RRP1: variants seen among roughly 807,000 people sequenced by gnomAD.
The protein encoded by RRP1 is ribosomal RNA processing protein 1 homolog A.
In RRP1, 37 loss-of-function variants were observed where a neutral mutation model predicts 54.6. That is an observed-to-expected ratio of 0.68 (90% CI 0.52 to 0.89). RRP1 has a LOEUF of 0.89. RRP1 is among the 40% of genes least tolerant of loss of function. The pLI is 0.00. For missense variants in RRP1, 639 were observed against 612.5 expected (o/e 1.04, Z -0.46); for synonymous variants, 262 against 244.3 (o/e 1.07, Z -0.67).
At chr21:43,791,595 T>C (rs3788072) in intron 2 of RRP1, among the ~76,000 whole-genome samples, 163 bp downstream of exon 2, 52,381 of 151,836 alleles carry the variant, frequency 0.34, 10,828 homozygotes, top group African/African-American at 0.58. Context: ...CTCAGCCTTC[T>C]GGTTTCAAGC....
chr21:43,789,658 A>T lies in RRP1; in HGVS notation c.29A>T (p.Glu10Val). 6.3e-7 allele frequency: 1 copy of T among 1,581,510 alleles called. No homozygotes were observed. The highest frequency in any genetic ancestry group is 1.1e-5 in the South Asian group (1 of 86,972). Residue 10 changes from glutamate (E) to valine (V), a missense_variant, in exon 1 of 13, where the codon GAG (glutamate) becomes GTG (valine). Coordinates refer to ENST00000497547, the MANE Select transcript of RRP1 (RefSeq NM_003683.6). MVSRVQLPP[E>V]IQLAQRLAGN... ...GTTTCGCGCGTGCAGCTCCCGCCTG[A>T]GATCCAGCTGGCTCAGCGCCTGGCG...
At position 43,797,636 on chromosome 21, in the gene RRP1, G is replaced by A. The variant is rs758314217; in HGVS notation, c.558G>A (p.Thr186=). 5 of 1,614,046 alleles carry A rather than the reference G, an allele frequency of 3.1e-6. No homozygotes were observed. The highest frequency in any genetic ancestry group is 2.2e-5 in the South Asian group (2 of 91,082). ...CCCGCTGGCTTTCCCCGTAGCTTAC[G>A]GCAGACCAGAACCTGAAGTTCATCG... The part of the protein sequence containing the change: ...ELTKVGAEEL[T]ADQNLKFIDP... Residue 186 remains threonine (T), a synonymous_variant, in exon 7 of 13, where the codon ACG becomes ACA. Coordinates refer to ENST00000497547, the MANE Select transcript of RRP1 (RefSeq NM_003683.6).
In RRP1 at chr21:43,803,958, C is replaced by G; in HGVS notation, c.*184C>G. On this transcript the variant is annotated 3_prime_UTR_variant, in exon 13 of 13. Coordinates refer to ENST00000497547, the MANE Select transcript of RRP1 (RefSeq NM_003683.6). ...GGGGCCAGCATCCCAGGAACTGGACCTTTCCCCAGAGCCTCCGCCTGTGGC... is the reference window on the plus strand; with the variant it reads ...GGGGCCAGCATCCCAGGAACTGGACGTTTCCCCAGAGCCTCCGCCTGTGGC... The G allele has an allele frequency of 2.8e-6, 2 of 722,136 alleles. No individual in the cohort carries two copies. Among genetic ancestry groups the G allele is most frequent in the Non-Finnish European group, 4.3e-6 (2 of 464,542 alleles). 44.7% of individuals were successfully genotyped at this position (722,136 alleles called of 1,614,324 possible).
intron 11 of RRP1, among the ~76,000 whole-genome samples, chr21:43,802,041 TA>T (rs1254027719): frequency 2.0e-5 from 3 of 152,212 alleles, no homozygotes; most frequent in African/African-American, 7.2e-5. Context: ...CTCTATGCTG[TA>T]CCTGTGTCCT....
chr21:43,803,576 A>G lies in RRP1; in HGVS notation c.1188A>G (p.Val396=). The G allele has an allele frequency of 6.4e-7, 1 of 1,554,272 alleles. No homozygotes were observed. Among genetic ancestry groups the G allele is most frequent in the Non-Finnish European group, 8.7e-7 (1 of 1,149,400 alleles). The change falls in exon 13 of 13, where the codon GTA becomes GTG. Residue 396 remains valine (V), a synonymous_variant. Coordinates refer to ENST00000497547, the MANE Select transcript of RRP1 (RefSeq NM_003683.6). ...MERKRSRRRG[V]GADPEARAEA... is the part of the protein sequence containing the mutation. ...GGAAGAGGAGCAGGAGGAGGGGTGT[A>G]GGGGCCGACCCCGAGGCGCGGGCAG...
Position 43,800,897 on chromosome 21 carries a change from G to C in RRP1, c.1009+16G>C. ...CTGGCAGGAGGTGAGGATCGGCCGG[G>C]CACTGACAGTGGCACCACCTTGGAG... On this transcript the variant is annotated intron_variant, in intron 11 of 12. Coordinates refer to ENST00000497547, the MANE Select transcript of RRP1 (RefSeq NM_003683.6). 1 of 1,613,602 alleles carries C rather than the reference G, an allele frequency of 6.2e-7. No homozygotes were observed. The highest frequency in any genetic ancestry group is 8.5e-7 in the Non-Finnish European group (1 of 1,179,966).
In RRP1 at chr21:43,805,090, C is replaced by G. The variant is rs2085130387; in HGVS notation, c.*1316C>G. ...GTCAGGAGTTTGAGACCAGACTGAC[C>G]AACATGGAGAAACCCCATCTCTACT... On this transcript the variant is annotated 3_prime_UTR_variant, in exon 13 of 13. Coordinates refer to ENST00000497547, the MANE Select transcript of RRP1 (RefSeq NM_003683.6). 6.6e-6 allele frequency: 1 copy of G among 152,182 alleles called. No individual in the cohort carries two copies. The highest frequency in any genetic ancestry group is 2.4e-5 in the African/African-American group (1 of 41,400). The allele number at this position is 152,182 out of a possible 1,614,324, so 9.4% of individuals were successfully genotyped here. A position where few individuals can be genotyped will look rare whatever the true frequency, so the allele number is the denominator to read the frequency against.
chr21:43,802,522 C>T (rs1394794651), intron 12 of RRP1, 135 bp downstream of exon 12: 6 of 695,808 alleles, frequency 8.6e-6, no homozygotes, highest in South Asian at 6.3e-5. Context: ...CTGCTATCCA[C>T]GCATCCCGGA....
chr21:43,791,324 G>T (rs1377735443), intron 1 of RRP1, 26 bp from the exon 2 acceptor site: 1 of 1,612,440 alleles, frequency 6.2e-7, no homozygotes, highest in Non-Finnish European at 8.5e-7. Flanking sequence ...GATTCATTTG[G>T]TCCAACCGTT....
At position 43,803,718 on chromosome 21, in the gene RRP1, C is replaced by A; in HGVS notation, c.1330C>A (p.Arg444=). The A allele has an allele frequency of 6.4e-7, 1 of 1,563,196 alleles. No homozygotes were observed. Among genetic ancestry groups the A allele is most frequent in the Non-Finnish European group, 8.7e-7 (1 of 1,153,458 alleles). ...GACACCTCGGCCCCTGACCAGTGCC[C>A]GAGCAAAGGCGGCCAATGTCCAGGA... The part of the protein sequence containing the change: ...RRTPRPLTSA[R]AKAANVQEPE... The change falls in exon 13 of 13, where the codon CGA becomes AGA. Residue 444 remains arginine (R), a synonymous_variant. Transcript: ENST00000497547.
intron 9 of RRP1, among the ~76,000 whole-genome samples, chr21:43,800,225 C>T (rs1436428066): frequency 6.6e-6 from 1 of 152,268 alleles, no homozygotes; most frequent in Non-Finnish European, 1.5e-5. Flanking sequence ...GGTAAAGCTG[C>T]AGGCAGGCTA....
chr21:43,802,662 C>T lies in RRP1; in HGVS notation c.1123+275C>T, dbSNP rs578048298. 2.6e-5 allele frequency among the ~76,000 whole-genome samples: 4 copies of T among 152,340 alleles called. No individual in the cohort carries two copies. The East Asian group carries it at 7.7e-4, about 29-fold the overall frequency. On this transcript the variant is annotated intron_variant, in intron 12 of 12. Coordinates refer to ENST00000497547, the MANE Select transcript of RRP1 (RefSeq NM_003683.6). The stretch of plus-strand genomic sequence containing the variant: ...GTCTGGAGACATCCTCCTGGCTGGG[C>T]TGCCTCCTTCCGTGCCTCCGTCTTA...
intron 11 of RRP1, among the ~76,000 whole-genome samples, chr21:43,801,444 G>A (rs547778976): frequency 2.0e-5 from 3 of 152,320 alleles, no homozygotes; most frequent in East Asian, 1.9e-4. Flanking sequence ...GCCAGCGGGC[G>A]CGTCATCAGC....
rs778099566 is a variant in RRP1, at chr21:43,798,066, G to A, written c.777G>A (p.Ala259=). 4 of 1,613,596 alleles carry A rather than the reference G, an allele frequency of 2.5e-6. No homozygotes were observed. Among genetic ancestry groups the A allele is most frequent in the African/African-American group, 2.7e-5 (2 of 74,884 alleles). The change falls in exon 8 of 13, where the codon GCG becomes GCA. Residue 259 remains alanine (A), a synonymous_variant. Transcript: ENST00000497547. ...CTGAGGGTGGTGAGCGTGGAGACGCGCTGTCCCAGAAGAGGTCTGAGAAGC... is the reference window on the plus strand; with the variant it reads ...CTGAGGGTGGTGAGCGTGGAGACGCACTGTCCCAGAAGAGGTCTGAGAAGC... The part of the protein sequence containing the change: ...ESSEGGERGD[A]LSQKRSEKPP...
rs781358683 is a variant in RRP1, at chr21:43,797,654, G to C, written c.576G>C (p.Lys192Asn). The change falls in exon 7 of 13, where the codon AAG (lysine) becomes AAC (asparagine). Residue 192 changes from lysine to asparagine, a missense_variant. Coordinates refer to ENST00000497547, the MANE Select transcript of RRP1 (RefSeq NM_003683.6). Reference protein sequence around the residue: ...AEELTADQNLKFIDPFCRIAA... With the variant: ...AEELTADQNLNFIDPFCRIAA... The stretch of plus-strand genomic sequence containing the variant: ...AGCTTACGGCAGACCAGAACCTGAA[G>C]TTCATCGACCCCTTCTGCAGAATTG... 1.2e-6 allele frequency: 2 copies of C among 1,614,178 alleles called. No individual in the cohort carries two copies. Among genetic ancestry groups the C allele is most frequent in the East Asian group, 4.5e-5 (2 of 44,880 alleles).
intron 2 of RRP1, 122 bp from the exon 3 acceptor site, chr21:43,792,550 C>T (rs1025447449): frequency 8.3e-6 from 8 of 963,490 alleles, no homozygotes; most frequent in African/African-American, 6.4e-5. Flanking sequence ...GCTGAGACCC[C>T]CTGGAAGCCG....
At chr21:43,800,972 A>G in intron 11 of RRP1, 91 bp downstream of exon 11, 1 of 1,367,540 alleles carries the variant, frequency 7.3e-7, no homozygotes, top group Non-Finnish European at 1.0e-6. Flanking sequence ...GTCTCATAGC[A>G]CGTGGAGTCT....
chr21:43,797,841 T>A, intron 7 of RRP1, 66 bp from the exon 8 acceptor site: 1 of 1,572,986 alleles, frequency 6.4e-7, no homozygotes. Context: ...TGCAGGGGAG[T>A]CGGCGGCTTC....
chr21:43,801,924 T>G (rs1448216293), intron 11 of RRP1, among the ~76,000 whole-genome samples: 1 of 152,128 alleles, frequency 6.6e-6, no homozygotes, highest in Non-Finnish European at 1.5e-5. Flanking sequence ...GTTTTCTGTT[T>G]GGGGTTTTCA....
Sources: allele counts gnomAD v4.1 joint callset (sites outside exome capture counted in the v4.1 genomes callset), GRCh38; gene constraint gnomAD v4.1.1; transcripts MANE v1.5; gene names NCBI Gene and HGNC (gene_info 2026-07-23, HGNC 2026-07-21).